CLYBL: variants seen among roughly 807,000 people sequenced by gnomAD.
CLYBL encodes the protein citramalyl-CoA lyase.
CLYBL carries 31 observed loss-of-function variants against 38.9 expected under a neutral mutation model. The observed-to-expected ratio is 0.80, with a 90% CI of 0.60 to 1.08. The LOEUF is 1.08. CLYBL is among the 50% of genes least tolerant of loss of function. The pLI, the probability that CLYBL is intolerant of heterozygous loss-of-function variation, is 0.00. For synonymous variants in CLYBL, 171 were observed against 158.6 expected (o/e 1.08, Z -0.59); for missense variants, 434 against 411.6 (o/e 1.05, Z -0.47).
chr13:99,840,451 A>AAAAT (rs1323563729), intron 2 of CLYBL, among the ~76,000 whole-genome samples: 1 of 152,034 alleles, frequency 6.6e-6, no homozygotes, highest in African/African-American at 2.4e-5. Context: ...GTCTCTATTA[A>AAAAT]AAATAAATTT....
At chr13:99,644,328 TA>T (rs939680742) in intron 1 of CLYBL, among the ~76,000 whole-genome samples, 6 of 151,434 alleles carry the variant, frequency 4.0e-5, no homozygotes, top group Non-Finnish European at 5.9e-5. Flanking sequence ...TGGGTTGCAG[TA>T]AAAAAAAATT....
chr13:99,901,746 A>T (rs1314185098), downstream of CLYBL, among the ~76,000 whole-genome samples: 1 of 146,430 alleles, frequency 6.8e-6, no homozygotes, highest in Non-Finnish European at 1.5e-5. Flanking sequence ...TGCAACCTCC[A>T]CCTCCCGGGT....
chr13:99,783,462 ATT>A (rs57118720), intron 2 of CLYBL, among the ~76,000 whole-genome samples: 74 of 147,946 alleles, frequency 5.0e-4, no homozygotes, highest in African/African-American at 1.6e-3. Context: ...TTGGGGTGTA[ATT>A]TTTTTTTTTT....
chr13:99,828,618 G>C (rs534008442), intron 2 of CLYBL, among the ~76,000 whole-genome samples: 5 of 152,068 alleles, frequency 3.3e-5, no homozygotes, highest in South Asian at 2.1e-4. Context: ...TTTTCTCTTC[G>C]TCAGTGTTGG....
chr13:99,681,111 T>TG lies in CLYBL; in HGVS notation c.62+74354_62+74355insG, dbSNP rs1183637841. ...GGAAGTAGTGCTGTAACTTACTTCA[T>TG]CTAAAGAAGCATCATCGCTGAATGT... is the stretch of plus-strand genomic sequence containing the variant. On this transcript the variant is annotated intron_variant, in intron 1 of 8. Transcript: ENST00000339105. Among the ~76,000 whole-genome samples, 24 of 152,338 alleles carry TG rather than the reference T, an allele frequency of 1.6e-4. No individual in the cohort carries two copies. In the East Asian group the frequency reaches 2.9e-3, roughly 18 times the overall value.
chr13:99,729,869 G>T (rs530623239), intron 1 of CLYBL, among the ~76,000 whole-genome samples: 3 of 151,312 alleles, frequency 2.0e-5, no homozygotes, highest in African/African-American at 7.3e-5. Flanking sequence ...CGCCAGCCTC[G>T]GCACCGCTTC....
chr13:99,737,776 A>G (rs915686029), intron 1 of CLYBL, among the ~76,000 whole-genome samples: 1 of 152,164 alleles, frequency 6.6e-6, no homozygotes, highest in Non-Finnish European at 1.5e-5. Flanking sequence ...CCCAACAGAG[A>G]TGTGCTAGGC....
chr13:99,692,104 CT>C (rs908996607), intron 1 of CLYBL, among the ~76,000 whole-genome samples: 54 of 152,050 alleles, frequency 3.6e-4, no homozygotes, highest in African/African-American at 1.3e-3. Flanking sequence ...TTCACTCATT[CT>C]TTCATTTTAA....
intron 4 of CLYBL, 79 bp downstream of exon 4, chr13:99,863,171 T>A: frequency 2.9e-6 from 2 of 695,400 alleles, no homozygotes; most frequent in Non-Finnish European, 4.7e-6. Flanking sequence ...AATTTTAACA[T>A]CTTCTTAAAA....
In CLYBL at chr13:99,802,185, A is replaced by G. The variant is rs533513695; in HGVS notation, c.249+29175A>G. Among the ~76,000 whole-genome samples the G allele has an allele frequency of 3.9e-5, 6 of 152,312 alleles. No homozygotes were observed. In the South Asian group the frequency reaches 1.2e-3, roughly 32 times the overall value. On this transcript the variant is annotated intron_variant, in intron 2 of 8. Transcript: ENST00000339105. ...TACATCCAAGATCAAGGTGCTGGCC[A>G]GTTCCCAGTGAGGGCTTTCTCTTCT... is the stretch of plus-strand genomic sequence containing the variant.
At chr13:99,677,354 T>C (rs566409368) in intron 1 of CLYBL, among the ~76,000 whole-genome samples, 12 of 152,256 alleles carry the variant, frequency 7.9e-5, no homozygotes, top group African/African-American at 2.6e-4. Context: ...AAGCTTGTAA[T>C]TGCCGATCAC....
chr13:99,733,106 A>T (rs2793745), intron 1 of CLYBL, among the ~76,000 whole-genome samples: 4 of 152,194 alleles, frequency 2.6e-5, no homozygotes, highest in Admixed American at 6.5e-5. Context: ...AGAAAAAGTA[A>T]TTCCTAAAAT....
intron 1 of CLYBL, among the ~76,000 whole-genome samples, chr13:99,648,527 G>A (rs2047208553): frequency 6.6e-6 from 1 of 152,144 alleles, no homozygotes; most frequent in Admixed American, 6.6e-5. Context: ...CTGATTAGTG[G>A]AGCTGCCTGC....
At chr13:99,684,569 C>G (rs555143154) in intron 1 of CLYBL, among the ~76,000 whole-genome samples, 1 of 152,176 alleles carries the variant, frequency 6.6e-6, no homozygotes, top group Non-Finnish European at 1.5e-5. Context: ...TCTTAGGCTA[C>G]TACCACTACC....
At chr13:99,759,881 C>A (rs779416514) in intron 1 of CLYBL, among the ~76,000 whole-genome samples, 3 of 152,192 alleles carry the variant, frequency 2.0e-5, no homozygotes, top group Admixed American at 1.3e-4. Context: ...GGTCAAATAT[C>A]AGCAATTTCA....
intron 1 of CLYBL, among the ~76,000 whole-genome samples, chr13:99,694,268 G>C (rs2047947621): frequency 6.6e-6 from 1 of 152,140 alleles, no homozygotes; most frequent in African/African-American, 2.4e-5. Flanking sequence ...AACAATTGGA[G>C]AAAAACATCA....
intron 1 of CLYBL, among the ~76,000 whole-genome samples, chr13:99,664,812 A>C (rs1212367336): frequency 6.6e-6 from 1 of 152,208 alleles, no homozygotes; most frequent in Non-Finnish European, 1.5e-5. Context: ...CCGGGAAAAT[A>C]AAATCATCTG....
At chr13:99,663,838 G>A (rs746119427) in intron 1 of CLYBL, among the ~76,000 whole-genome samples, 1 of 152,164 alleles carries the variant, frequency 6.6e-6, no homozygotes, top group African/African-American at 2.4e-5. Flanking sequence ...TACGGGCCTG[G>A]CTACCAAAGG....
chr13:99,699,172 G>C (rs1359128208), intron 1 of CLYBL, among the ~76,000 whole-genome samples: 1 of 151,972 alleles, frequency 6.6e-6, no homozygotes, highest in Non-Finnish European at 1.5e-5. Flanking sequence ...GATCACCTGA[G>C]GTCGGGAGTT....
Sources: allele counts gnomAD v4.1 joint callset (sites outside exome capture counted in the v4.1 genomes callset), GRCh38; gene constraint gnomAD v4.1.1; transcripts MANE v1.5; gene names NCBI Gene and HGNC (gene_info 2026-07-23, HGNC 2026-07-21).